CIRSR: variants seen among roughly 807,000 people sequenced by gnomAD.
The protein encoded by CIRSR is corepressor of RBPJ and splicing regulator.
At chr2:174,381,873 GAT>G in the CIRSR span, 1 of 789,686 alleles carries the variant, frequency 1.3e-6, no homozygotes, top group Non-Finnish European at 2.0e-6. Context: ...AGGGAATTAA[GAT>G]AAAATATTTT....
At chr2:174,370,088 A>G in the CIRSR span, 6 of 1,333,784 alleles carry the variant, frequency 4.5e-6, no homozygotes, top group South Asian at 1.2e-5. Flanking sequence ...TGGTTCATCC[A>G]CTATCACTGC....
the CIRSR span, chr2:174,351,584 A>G: frequency 8.5e-6 from 13 of 1,524,254 alleles, no homozygotes; most frequent in Non-Finnish European, 1.1e-5. Context: ...TTAGATTTAT[A>G]GACATTTTCA....
At chr2:174,371,318 TTGA>T in the CIRSR span, among the ~76,000 whole-genome samples, 2 of 152,224 alleles carry the variant, frequency 1.3e-5, no homozygotes, top group Admixed American at 1.3e-4. Flanking sequence ...AAACTTGCTG[TTGA>T]TATATCCCAC....
At chr2:174,367,495 G>A in the CIRSR span, among the ~76,000 whole-genome samples, 8 of 152,184 alleles carry the variant, frequency 5.3e-5, no homozygotes, top group East Asian at 1.9e-4. Flanking sequence ...CAGGAGAATC[G>A]TTTGAACCCT....
chr2:174,390,758 G>A, the CIRSR span, among the ~76,000 whole-genome samples: 1 of 152,194 alleles, frequency 6.6e-6, no homozygotes, highest in Admixed American at 6.5e-5. Context: ...GTGTTTTCGT[G>A]ATAGTGAGTG....
At chr2:174,378,742 T>C in the CIRSR span, 4 of 615,030 alleles carry the variant, frequency 6.5e-6, no homozygotes, top group South Asian at 5.3e-5. Context: ...AGCATTTTAA[T>C]TCAACATATA....
chr2:174,392,452 A>G, the CIRSR span, among the ~76,000 whole-genome samples: 39 of 152,348 alleles, frequency 2.6e-4, no homozygotes, highest in African/African-American at 9.1e-4. Context: ...TTAAAATGAA[A>G]AATGACTATT....
chr2:174,352,588 A>T, the CIRSR span, among the ~76,000 whole-genome samples: 1 of 152,194 alleles, frequency 6.6e-6, no homozygotes, highest in Admixed American at 6.5e-5. Context: ...AAATAAATAA[A>T]TAATTTTTTT....
the CIRSR span, among the ~76,000 whole-genome samples, chr2:174,385,869 T>C: frequency 7.2e-5 from 11 of 152,064 alleles, no homozygotes; most frequent in South Asian, 2.1e-4. Flanking sequence ...GAGGGAATGA[T>C]AGAAATAGAA....
At chr2:174,367,302 G>T in the CIRSR span, among the ~76,000 whole-genome samples, 1,027 of 152,266 alleles carry the variant, frequency 6.7e-3, 13 homozygotes, top group African/African-American at 0.024. Flanking sequence ...GCTGGGCATT[G>T]GGCGCGGTGG....
the CIRSR span, among the ~76,000 whole-genome samples, chr2:174,379,339 A>G: frequency 6.6e-6 from 1 of 152,246 alleles, no homozygotes; most frequent in Non-Finnish European, 1.5e-5. Context: ...GAAGAATTTA[A>G]GCTTAAATTC....
At chr2:174,355,278 G>A in the CIRSR span, among the ~76,000 whole-genome samples, 1 of 152,162 alleles carries the variant, frequency 6.6e-6, no homozygotes, top group African/African-American at 2.4e-5. Flanking sequence ...TATGTATGGT[G>A]CCTTAATAAT....
the CIRSR span, chr2:174,380,283 T>C: frequency 6.8e-7 from 1 of 1,472,750 alleles, no homozygotes; most frequent in Non-Finnish European, 9.2e-7. Flanking sequence ...AAACACAATA[T>C]TAAGAATAAT....
At chr2:174,355,602 C>T in the CIRSR span, among the ~76,000 whole-genome samples, 3 of 152,118 alleles carry the variant, frequency 2.0e-5, no homozygotes, top group Non-Finnish European at 4.4e-5. Context: ...CCAGGCTCTA[C>T]TAGAAAAATA....
the CIRSR span, chr2:174,380,536 T>C: frequency 2.2e-6 from 2 of 925,076 alleles, no homozygotes; most frequent in South Asian, 3.3e-5. Context: ...TCATTAAAGA[T>C]AACTTTTCAC....
At chr2:174,371,842 T>C in the CIRSR span, among the ~76,000 whole-genome samples, 1 of 152,230 alleles carries the variant, frequency 6.6e-6, no homozygotes, top group African/African-American at 2.4e-5. Context: ...CACAAGGCTG[T>C]ACCCCAGGAG....
the CIRSR span, among the ~76,000 whole-genome samples, chr2:174,356,605 A>AG: frequency 1.7e-4 from 26 of 150,372 alleles, no homozygotes; most frequent in African/African-American, 4.7e-4. Context: ...GAGGGAGGGA[A>AG]GAAGGAAGGA....
At chr2:174,358,962 G>A in the CIRSR span, among the ~76,000 whole-genome samples, 1 of 152,190 alleles carries the variant, frequency 6.6e-6, no homozygotes, top group African/African-American at 2.4e-5. Context: ...TCAAAGTGCT[G>A]GGATTACAGG....
the CIRSR span, among the ~76,000 whole-genome samples, chr2:174,355,784 GAAT>G: frequency 4.6e-5 from 7 of 152,140 alleles, no homozygotes; most frequent in African/African-American, 1.7e-4. Flanking sequence ...TTTTATCAAA[GAAT>G]AATATATAAA....
Sources: allele counts gnomAD v4.1 joint callset (sites outside exome capture counted in the v4.1 genomes callset), GRCh38; gene constraint gnomAD v4.1.1; transcripts MANE v1.5; gene names NCBI Gene and HGNC (gene_info 2026-07-23, HGNC 2026-07-21).